The following RGS12 variants were observed in gnomAD, a reference collection of about 807,000 sequenced individuals.
RGS12 encodes regulator of G-protein signaling 12.
RGS12 carries 66 observed loss-of-function variants against 120.1 expected under a neutral mutation model. The observed-to-expected ratio is 0.55, with a 90% CI of 0.45 to 0.67. The LOEUF (loss-of-function observed/expected upper bound fraction) is 0.67. Ranked by LOEUF, RGS12 falls within the 30% of genes least tolerant of loss-of-function variation. RGS12 has a pLI of 0.00. For missense variants in RGS12, 1,859 were observed against 1,957.7 expected (o/e 0.95, Z 0.95); for synonymous variants, 827 against 804.7 (o/e 1.03, Z -0.47).
intron 4 of RGS12, among the ~76,000 whole-genome samples, chr4:3,408,109 G>A (rs1004514882): frequency 6.6e-6 from 1 of 152,320 alleles, no homozygotes; most frequent in Admixed American, 6.5e-5. Flanking sequence ...CACGTGTTCA[G>A]CACCAGAGAA....
intron 14 of RGS12, among the ~76,000 whole-genome samples, chr4:3,427,813 A>T (rs1424460076): frequency 6.6e-6 from 1 of 152,246 alleles, no homozygotes; most frequent in African/African-American, 2.4e-5. Context: ...GAGAATATTT[A>T]TGCCAAATAG....
intron 3 of RGS12, among the ~76,000 whole-genome samples, chr4:3,344,897 C>T (rs1204671508): frequency 6.6e-6 from 1 of 152,220 alleles, no homozygotes; most frequent in African/African-American, 2.4e-5. Context: ...GGCTGCCTTC[C>T]ATGACTCCTT....
Position 3,417,527 on chromosome 4 carries a change from G to A in RGS12, c.2747G>A (p.Gly916Glu), listed in dbSNP as rs764810699. ...AGGTCCCAGAAAAAGAGGGAGCACG[G>A]GGACCACGCAGACGGTTTGTGGGGT... Reference protein sequence around the residue: ...TGRSQKKREHGDHADDALHAN... With the variant: ...TGRSQKKREHEDHADDALHAN... Residue 916 changes from glycine to glutamate, a missense_variant, in exon 9 of 18, where the codon GGG (glycine) becomes GAG (glutamate). Around this residue, in one of 3 missense-constraint regions of RGS12, gnomAD observed 375 missense variants for 475.0 expected, o/e 0.79. Transcript: ENST00000336727. The A allele has an allele frequency of 4.0e-5, 64 of 1,612,838 alleles. No homozygotes were observed. Among genetic ancestry groups the A allele is most frequent in the South Asian group, 1.3e-4 (12 of 91,084 alleles).
chr4:3,429,892 G>T (rs938798369), intron 16 of RGS12, among the ~76,000 whole-genome samples: 1 of 152,146 alleles, frequency 6.6e-6, no homozygotes, highest in East Asian at 1.9e-4. Context: ...ATTTGAGGGT[G>T]CCCCTTCCCA....
upstream of RGS12, among the ~76,000 whole-genome samples, chr4:3,292,868 G>T (rs1368579846): frequency 6.6e-6 from 1 of 151,586 alleles, no homozygotes. Flanking sequence ...GTCCCGACGC[G>T]AAGGCCCTCG....
At position 3,422,419 on chromosome 4, in the gene RGS12, C is replaced by G; in HGVS notation, c.2882C>G (p.Thr961Ser). ...RTLAPEKDKA[T>S]KHCCIHLPDG... Reference sequence around the variant, plus strand: ...TTGGCACCCGAGAAGGACAAGGCCACCAAGCACTGCTGCATTCATCTCCCG... The same window carrying G: ...TTGGCACCCGAGAAGGACAAGGCCAGCAAGCACTGCTGCATTCATCTCCCG... The change falls in exon 11 of 18, where the codon ACC becomes AGC. Residue 961 changes from threonine to serine, a missense_variant. Physicochemically the swap from Thr to Ser is moderately conservative, Grantham distance 58. Transcript: ENST00000336727. The G allele has an allele frequency of 6.2e-7, 1 of 1,612,962 alleles. No homozygotes were observed. Among genetic ancestry groups the G allele is most frequent in the Non-Finnish European group, 8.5e-7 (1 of 1,179,890 alleles).
At chr4:3,402,019 G>GGC (rs1378205730) in intron 4 of RGS12, among the ~76,000 whole-genome samples, 1 of 152,240 alleles carries the variant, frequency 6.6e-6, no homozygotes, top group African/African-American at 2.4e-5. Flanking sequence ...CCAGACCACA[G>GGC]GCAGCAGGCC....
intron 2 of RGS12, among the ~76,000 whole-genome samples, chr4:3,327,225 G>A (rs1460421945): frequency 6.6e-6 from 1 of 152,182 alleles, no homozygotes; most frequent in Non-Finnish European, 1.5e-5. Context: ...ATGGTACTGG[G>A]AAAATTGGAT....
At position 3,317,086 on chromosome 4, in the gene RGS12, C is replaced by A; in HGVS notation, c.916C>A (p.Pro306Thr). ...AEKLAFSAVC[P>T]DDRRFFGLVT... ...GAAGCTGGCCTTCAGCGCCGTGTGC[C>A]CGGACGACCGGCGATTTTTCGGGTT... Residue 306 changes from proline to threonine, a missense_variant, in exon 2 of 18, where the codon CCG becomes ACG. Pro to Thr is a conservative substitution (Grantham distance 38, BLOSUM62 -1). Transcript: ENST00000336727. 2 of 1,613,702 alleles carry A rather than the reference C, an allele frequency of 1.2e-6. No individual in the cohort carries two copies. Among genetic ancestry groups the A allele is most frequent in the Non-Finnish European group, 1.7e-6 (2 of 1,180,034 alleles).
chr4:3,396,557 C>G (rs1039133431), intron 4 of RGS12, among the ~76,000 whole-genome samples: 1 of 152,222 alleles, frequency 6.6e-6, no homozygotes, highest in Non-Finnish European at 1.5e-5. Flanking sequence ...TGAAGCAACA[C>G]CTGTATCAGG....
At position 3,317,382 on chromosome 4, in the gene RGS12, C is replaced by A; in HGVS notation, c.1212C>A (p.Ala404=). The part of the protein sequence containing the change: ...GELIEGMRAR[A]FLDGDADAHQ... ...TGATTGAGGGCATGCGGGCCCGCGC[C>A]TTTCTGGACGGGGACGCCGATGCCC... Residue 404 remains alanine (A), a synonymous_variant, in exon 2 of 18, where the codon GCC becomes GCA. Transcript: ENST00000336727. The A allele has an allele frequency of 6.2e-7, 1 of 1,614,114 alleles. No homozygotes were observed. The highest frequency in any genetic ancestry group is 1.1e-5 in the South Asian group (1 of 91,078).
In RGS12 at chr4:3,362,854, T is replaced by G. The variant is rs77054072; in HGVS notation, c.1998+19801T>G. Among the ~76,000 whole-genome samples, 821 of 129,304 alleles carry G rather than the reference T, an allele frequency of 6.3e-3. 48 individuals are homozygous for G. In the East Asian group the frequency reaches 0.15, roughly 23 times the overall value. 84.8% of individuals were successfully genotyped at this position (129,304 alleles called of 152,430 possible). The stretch of plus-strand genomic sequence containing the variant: ...TTGAGTGTGAGACTGAGTGTGAGGG[T>G]GTGTGTGTGCGAGGGTGTGTGTGTG... On this transcript the variant is annotated intron_variant, in intron 3 of 17. Transcript: ENST00000336727.
rs1420750469 is a variant in RGS12 at position 3,414,207 on chromosome 4, T to G, written c.2156T>G (p.Leu719Arg). ...VASWAVSFER[L>R]LQDPVGVRYF... The stretch of plus-strand genomic sequence containing the variant: ...AGCTGGGCCGTGTCCTTTGAGCGCC[T>G]GCTGCAGGACCCCGTCGGTGTCCGC... The change falls in exon 5 of 18, where the codon CTG (leucine) becomes CGG (arginine). Residue 719 changes from leucine (L) to arginine (R), a missense_variant. Physicochemically the swap from Leu to Arg is moderately radical, Grantham distance 102. Transcript: ENST00000336727. 5 of 1,549,212 alleles carry G rather than the reference T, an allele frequency of 3.2e-6. No individual in the cohort carries two copies. Among genetic ancestry groups the G allele is most frequent in the Non-Finnish European group, 4.3e-6 (5 of 1,150,784 alleles).
intron 2 of RGS12, among the ~76,000 whole-genome samples, chr4:3,319,804 C>G (rs1169774906): frequency 1.3e-5 from 2 of 152,192 alleles, no homozygotes; most frequent in African/African-American, 2.4e-5. Flanking sequence ...CTTTCCTTGT[C>G]TCTTGATCTG....
At chr4:3,368,112 C>T (rs968391170) in intron 3 of RGS12, among the ~76,000 whole-genome samples, 1 of 152,180 alleles carries the variant, frequency 6.6e-6, no homozygotes, top group African/African-American at 2.4e-5. Flanking sequence ...GTGGCTGTTC[C>T]CAGGGTCTGG....
intron 9 of RGS12, 114 bp from the exon 10 acceptor site, chr4:3,420,527 TG>T (rs370589261): frequency 7.7e-5 from 58 of 753,870 alleles, no homozygotes; most frequent in African/African-American, 3.6e-4. Flanking sequence ...GGGGGATGGG[TG>T]GGGGGGGCTT....
intron 16 of RGS12, among the ~76,000 whole-genome samples, chr4:3,428,931 G>A (rs1219274765): frequency 6.6e-6 from 1 of 152,144 alleles, no homozygotes. Context: ...AGGGCATCAG[G>A]GGCAGCCGAT....
chr4:3,293,450 G>A (rs1312414137), intron 1 of RGS12, among the ~76,000 whole-genome samples: 3 of 144,124 alleles, frequency 2.1e-5, no homozygotes, highest in Non-Finnish European at 4.5e-5. Flanking sequence ...GCGGCGCCGG[G>A]CAGGGGGTCC....
At chr4:3,429,550 G>A (rs531561489) in intron 16 of RGS12, among the ~76,000 whole-genome samples, 4 of 152,330 alleles carry the variant, frequency 2.6e-5, no homozygotes, top group East Asian at 3.9e-4. Context: ...GAGGTTCCTT[G>A]TAGTTGTTAA....
Sources: gnomAD v4.1 joint callset for allele counts (sites outside exome capture counted in the v4.1 genomes callset) on GRCh38, gnomAD v4.1.1 for gene constraint, gnomAD v4.1.1 regional missense constraint, MANE v1.5 for transcripts, NCBI Gene and HGNC (gene_info 2026-07-23, HGNC 2026-07-21) for gene names.